The following LPP variants were observed in gnomAD, a reference collection of about 807,000 sequenced individuals.
LPP encodes lipoma-preferred partner.
A neutral mutation model predicts 60.4 loss-of-function variants in LPP; 38 were observed. The observed-to-expected ratio is 0.63, with a 90% confidence interval of 0.49 to 0.83. The LOEUF (loss-of-function observed/expected upper bound fraction) is 0.83, where lower values mean the gene tolerates loss of function less well. Among genes scored for constraint, LPP ranks in the 40% least tolerant of loss-of-function variants. The pLI is 0.00. For synonymous variants in LPP, 328 were observed against 290.8 expected (o/e 1.13, Z -1.30); for missense variants, 902 against 783.6 (o/e 1.15, Z -1.80).
chr3:188,462,422 G>A (rs1268273034), intron 4 of LPP, among the ~76,000 whole-genome samples: 2 of 149,672 alleles, frequency 1.3e-5, no homozygotes, highest in African/African-American at 4.9e-5. Flanking sequence ...TAAATTGATT[G>A]TATATTATTG....
intron 5 of LPP, among the ~76,000 whole-genome samples, chr3:188,485,877 TGGGTGAAATAG>T (rs1806350402): frequency 6.7e-6 from 1 of 149,816 alleles, no homozygotes; most frequent in African/African-American, 2.5e-5. Flanking sequence ...AGTGAGAACA[TGGGTGAAATAG>T]GGTTGGTTAT....
chr3:188,569,770 G>T (rs1833085714), intron 6 of LPP, among the ~76,000 whole-genome samples: 1 of 152,020 alleles, frequency 6.6e-6, no homozygotes, highest in African/African-American at 2.4e-5. Flanking sequence ...GGCCACTAAA[G>T]GCACAACTGA....
intron 8 of LPP, among the ~76,000 whole-genome samples, chr3:188,757,281 G>A (rs1168473838): frequency 6.6e-6 from 1 of 152,176 alleles, no homozygotes; most frequent in Non-Finnish European, 1.5e-5. Flanking sequence ...ACATAGTCGT[G>A]GGCAAGAGTA....
intron 3 of LPP, among the ~76,000 whole-genome samples, chr3:188,358,952 T>C (rs1178025272): frequency 1.3e-5 from 2 of 152,174 alleles, no homozygotes; most frequent in Non-Finnish European, 2.9e-5. Flanking sequence ...GTGCTGACAG[T>C]GCGTGTTAAC....
intron 5 of LPP, among the ~76,000 whole-genome samples, chr3:188,485,261 T>C (rs1441081800): frequency 1.3e-5 from 2 of 152,160 alleles, no homozygotes; most frequent in African/African-American, 4.8e-5. Flanking sequence ...GAGTGGTAAT[T>C]GCAAAGTAAC....
At chr3:188,356,205 C>T (rs1767564792) in intron 3 of LPP, among the ~76,000 whole-genome samples, 2 of 152,312 alleles carry the variant, frequency 1.3e-5, no homozygotes, top group African/African-American at 4.8e-5. Context: ...ATGATCCCAA[C>T]TTCTTTTTCC....
At chr3:188,690,425 G>A (rs1175090516) in intron 7 of LPP, among the ~76,000 whole-genome samples, 1 of 152,156 alleles carries the variant, frequency 6.6e-6, no homozygotes, top group Non-Finnish European at 1.5e-5. Context: ...GTTTCAAGGG[G>A]TCTGCTCCCT....
intron 2 of LPP, among the ~76,000 whole-genome samples, chr3:188,341,314 G>A (rs368729546): frequency 6.6e-6 from 1 of 152,186 alleles, no homozygotes; most frequent in Non-Finnish European, 1.5e-5. Flanking sequence ...ACTAAACTGT[G>A]TAATCTTGGG....
intron 3 of LPP, among the ~76,000 whole-genome samples, chr3:188,355,154 G>A (rs1001343996): frequency 2.0e-5 from 3 of 151,820 alleles, no homozygotes; most frequent in Admixed American, 1.3e-4. Context: ...GACTACAGGC[G>A]CCCGCCACCA....
At chr3:188,519,362 AC>A (rs1478550312) in intron 5 of LPP, among the ~76,000 whole-genome samples, 8 of 152,210 alleles carry the variant, frequency 5.3e-5, no homozygotes, top group African/African-American at 1.7e-4. Context: ...GATTGGTTGG[AC>A]TTTTTATAAG....
Position 188,602,153 on chromosome 3 carries a change from A to T in LPP, c.430-7008A>T, listed in dbSNP as rs567810920. 4.0e-3 allele frequency among the ~76,000 whole-genome samples: 507 copies of T among 126,350 alleles called. 12 individuals carry two copies. The highest frequency in any genetic ancestry group is 0.011 in the African/African-American group (388 of 35,574). 82.9% of individuals were successfully genotyped at this position (126,350 alleles called of 152,430 possible). A position where few individuals can be genotyped will look rare whatever the true frequency, so the allele number is the denominator to read the frequency against. ...AGCATTCTTAATCTCATATATATAT[A>T]ATATATATATAATATATATATATTA... On this transcript the variant is annotated intron_variant, in intron 6 of 11. Coordinates refer to ENST00000617246, the MANE Select transcript of LPP (RefSeq NM_001375462.1).
chr3:188,681,108 T>A (rs1277970228), intron 7 of LPP, among the ~76,000 whole-genome samples: 1 of 151,554 alleles, frequency 6.6e-6, no homozygotes, highest in Admixed American at 6.6e-5. Context: ...GTGATTCTCC[T>A]GCCTCAGCCT....
intron 2 of LPP, among the ~76,000 whole-genome samples, chr3:188,326,006 CT>C (rs1758330730): frequency 6.6e-6 from 1 of 152,026 alleles, no homozygotes; most frequent in South Asian, 2.1e-4. Context: ...TCGACTTTTT[CT>C]TATCTTTAAT....
intron 6 of LPP, among the ~76,000 whole-genome samples, chr3:188,558,986 G>A (rs558817394): frequency 1.3e-3 from 204 of 152,136 alleles, no homozygotes; most frequent in African/African-American, 4.6e-3. Flanking sequence ...AGGATAGGAC[G>A]GTATTATAGA....
At chr3:188,747,301 G>A (rs1726559363) in intron 8 of LPP, among the ~76,000 whole-genome samples, 1 of 152,112 alleles carries the variant, frequency 6.6e-6, no homozygotes, top group African/African-American at 2.4e-5. Context: ...ATAAAGCATT[G>A]CCATGCAACT....
intron 2 of LPP, among the ~76,000 whole-genome samples, chr3:188,241,975 A>C (rs1725051793): frequency 6.6e-6 from 1 of 152,236 alleles, no homozygotes; most frequent in East Asian, 1.9e-4. Flanking sequence ...AGATTTCATG[A>C]TTCTGACGCT....
intron 4 of LPP, among the ~76,000 whole-genome samples, chr3:188,463,773 C>T (rs1230233372): frequency 6.6e-6 from 1 of 152,134 alleles, no homozygotes; most frequent in Non-Finnish European, 1.5e-5. Context: ...TTTGATGAGG[C>T]AGAGAACGGT....
At chr3:188,425,576 C>T (rs1789077442) in intron 4 of LPP, among the ~76,000 whole-genome samples, 1 of 152,042 alleles carries the variant, frequency 6.6e-6, no homozygotes, top group South Asian at 2.1e-4. Flanking sequence ...TCTTTCTGGT[C>T]CTGGGCTTTT....
chr3:188,531,031 C>G (rs1304814887), intron 6 of LPP, among the ~76,000 whole-genome samples: 1 of 152,060 alleles, frequency 6.6e-6, no homozygotes, highest in East Asian at 1.9e-4. Flanking sequence ...TAGTACAGGG[C>G]TGTCTTTTTT....
Sources: gnomAD v4.1 joint callset for allele counts (sites outside exome capture counted in the v4.1 genomes callset) on GRCh38, gnomAD v4.1.1 for gene constraint, MANE v1.5 for transcripts, NCBI Gene and HGNC (gene_info 2026-07-23, HGNC 2026-07-21) for gene names.